The following DNAJC3 variants were observed in gnomAD, a reference collection of about 807,000 sequenced individuals.
DNAJC3 encodes the protein dnaJ homolog subfamily C member 3.
Under a neutral mutation model 68.6 loss-of-function variants are expected in DNAJC3, and 38 were observed. The ratio of observed to expected loss-of-function variants is 0.55; its 90% CI spans 0.43 to 0.73. DNAJC3 has a LOEUF of 0.73. Among genes scored for constraint, DNAJC3 ranks in the 30% least tolerant of loss-of-function variants. The probability of loss-of-function intolerance (pLI) is 0.00; values close to 1 mark genes in which losing one functional copy is unlikely to be tolerated. For synonymous variants in DNAJC3, 203 were observed against 204.0 expected (o/e 1.00, Z 0.04); for missense variants, 526 against 591.9 (o/e 0.89, Z 1.16).
intron 4 of DNAJC3, among the ~76,000 whole-genome samples, chr13:95,732,265 TTA>T (rs1437132055): frequency 6.6e-6 from 1 of 152,160 alleles, no homozygotes; most frequent in East Asian, 1.9e-4. Context: ...TATTTCTCTT[TTA>T]TATGTTTGGA....
At chr13:95,736,299 A>G (rs1881915438) in intron 4 of DNAJC3, among the ~76,000 whole-genome samples, 1 of 152,024 alleles carries the variant, frequency 6.6e-6, no homozygotes, top group Non-Finnish European at 1.5e-5. Flanking sequence ...TGACTTGGCG[A>G]TGCGGGCTCT....
chr13:95,698,596 ATGCACAGTGTT>A lies in DNAJC3; in HGVS notation c.83-10630_83-10620del, dbSNP rs1464939465. Among the ~76,000 whole-genome samples, 3 of 152,310 alleles carry A rather than the reference ATGCACAGTGTT, an allele frequency of 2.0e-5. No individual in the cohort carries two copies. In the East Asian group the frequency reaches 5.8e-4, roughly 29 times the overall value. ...CTGGGGCTCGTGACTCTCAGTGCAG[ATGCACAGTGTT>A]GTCTGTCTCCAGGCCACAGTGTAGC... On this transcript the variant is annotated intron_variant, in intron 1 of 11. Transcript: ENST00000602402.
intron 11 of DNAJC3, among the ~76,000 whole-genome samples, chr13:95,788,891 A>C (rs941501602): frequency 2.6e-5 from 4 of 152,212 alleles, no homozygotes; most frequent in Non-Finnish European, 1.5e-5. Flanking sequence ...GCTGAGTTTC[A>C]GATCACCTAC....
intron 7 of DNAJC3, among the ~76,000 whole-genome samples, chr13:95,761,032 TTTA>T (rs754749603): frequency 6.6e-6 from 1 of 152,250 alleles, no homozygotes. Flanking sequence ...ATACCAAATA[TTTA>T]TTATCTCCTA....
chr13:95,755,358 G>A (rs1382930285), intron 4 of DNAJC3, among the ~76,000 whole-genome samples: 1 of 152,090 alleles, frequency 6.6e-6, no homozygotes, highest in Admixed American at 6.5e-5. Context: ...GGCTGAGGCT[G>A]GAGGATTGCT....
rs751350945 is a variant in DNAJC3, at chr13:95,755,255, A to C, written c.394-2389A>C. Among the ~76,000 whole-genome samples, 164 of 152,208 alleles carry C rather than the reference A, an allele frequency of 1.1e-3. 10 individuals carry two copies. The highest frequency in any genetic ancestry group is 2.1e-3 in the South Asian group (10 of 4,824). On this transcript the variant is annotated intron_variant, in intron 4 of 11. Coordinates refer to ENST00000602402, the MANE Select transcript of DNAJC3 (RefSeq NM_006260.5). Reference sequence around the variant, plus strand: ...GAGGCCCGGAGTTGGAGACCAGCCTAGGCAACATAGTGAGACAACCCTGTC... The same window carrying C: ...GAGGCCCGGAGTTGGAGACCAGCCTCGGCAACATAGTGAGACAACCCTGTC...
intron 2 of DNAJC3, among the ~76,000 whole-genome samples, chr13:95,722,639 G>A (rs922514691): frequency 4.0e-5 from 6 of 150,970 alleles, no homozygotes; most frequent in South Asian, 2.1e-4. Flanking sequence ...TTAGCCAGCC[G>A]TGGTGGAATA....
intron 4 of DNAJC3, among the ~76,000 whole-genome samples, chr13:95,733,537 G>A (rs1206650554): frequency 1.3e-5 from 2 of 151,828 alleles, no homozygotes; most frequent in African/African-American, 2.4e-5. Context: ...GACTACAGGC[G>A]CATACCACCA....
intron 1 of DNAJC3, among the ~76,000 whole-genome samples, chr13:95,681,287 A>G (rs1395706029): frequency 1.3e-5 from 2 of 152,220 alleles, no homozygotes; most frequent in African/African-American, 4.8e-5. Flanking sequence ...TATACCTTAT[A>G]GGTAAACACG....
intron 2 of DNAJC3, among the ~76,000 whole-genome samples, chr13:95,711,406 A>G (rs1188684586): frequency 5.3e-5 from 8 of 151,928 alleles, no homozygotes; most frequent in Non-Finnish European, 1.2e-4. Flanking sequence ...CCAAGACTGG[A>G]GAATCACTTA....
chr13:95,760,529 A>T, intron 6 of DNAJC3, 150 bp from the exon 7 acceptor site: 1 of 977,692 alleles, frequency 1.0e-6, no homozygotes. Flanking sequence ...GTACAATGCC[A>T]CGTATAAATG....
At chr13:95,721,730 A>G (rs1306925075) in intron 2 of DNAJC3, among the ~76,000 whole-genome samples, 3 of 150,322 alleles carry the variant, frequency 2.0e-5, no homozygotes, top group Non-Finnish European at 4.4e-5. Flanking sequence ...GCATTTTCCT[A>G]AAAACTTGTG....
intron 10 of DNAJC3, among the ~76,000 whole-genome samples, 154 bp downstream of exon 10, chr13:95,786,225 C>T (rs748204732): frequency 3.3e-5 from 5 of 152,116 alleles, no homozygotes; most frequent in Admixed American, 2.0e-4. Flanking sequence ...TAGAAAGCTA[C>T]TTTGAGTATT....
chr13:95,759,133 G>A (rs1019371247), intron 5 of DNAJC3, among the ~76,000 whole-genome samples: 1 of 152,090 alleles, frequency 6.6e-6, no homozygotes, highest in African/African-American at 2.4e-5. Context: ...ATGAGCTCTT[G>A]GGTTTATGAT....
intron 4 of DNAJC3, among the ~76,000 whole-genome samples, chr13:95,757,405 G>A (rs1177695416): frequency 1.3e-5 from 2 of 152,118 alleles, no homozygotes; most frequent in African/African-American, 4.8e-5. Flanking sequence ...TTCCCGGTAA[G>A]TTTTTGGGAC....
chr13:95,734,328 T>C (rs1298434452), intron 4 of DNAJC3, among the ~76,000 whole-genome samples: 1 of 152,232 alleles, frequency 6.6e-6, no homozygotes, highest in Non-Finnish European at 1.5e-5. Context: ...CTCTTAGCAC[T>C]TTGAGTATAT....
chr13:95,759,456 TG>T (rs1882758046), intron 5 of DNAJC3, among the ~76,000 whole-genome samples: 1 of 152,190 alleles, frequency 6.6e-6, no homozygotes, highest in African/African-American at 2.4e-5. Flanking sequence ...GGACCACTGG[TG>T]TGTTCCACCA....
chr13:95,759,903 T>C (rs1350176275), intron 5 of DNAJC3, 137 bp from the exon 6 acceptor site: 8 of 794,532 alleles, frequency 1.0e-5, no homozygotes, highest in Non-Finnish European at 1.4e-5. Context: ...TTTAAAATAA[T>C]ATTTGCACTA....
At chr13:95,755,197 G>A (rs954924432) in intron 4 of DNAJC3, among the ~76,000 whole-genome samples, 4 of 152,176 alleles carry the variant, frequency 2.6e-5, no homozygotes, top group East Asian at 1.9e-4. Context: ...GTGTAATCCC[G>A]TGCTTTGGAA....
Sources: gnomAD v4.1 joint callset for allele counts (sites outside exome capture counted in the v4.1 genomes callset) on GRCh38, gnomAD v4.1.1 for gene constraint, MANE v1.5 for transcripts, NCBI Gene and HGNC (gene_info 2026-07-23, HGNC 2026-07-21) for gene names.